The following SLC35F1 variants were observed in gnomAD, a reference collection of about 807,000 sequenced individuals.
SLC35F1 encodes the protein chromosome 6 open reading frame 169.
A neutral mutation model predicts 48.7 loss-of-function variants in SLC35F1; 14 were observed. The ratio of observed to expected loss-of-function variants is 0.29; its 90% CI spans 0.19 to 0.45. The LOEUF is 0.45. Among genes scored for constraint, SLC35F1 ranks in the 20% least tolerant of loss-of-function variants. The probability of loss-of-function intolerance (pLI) is 1.00; values close to 1 mark genes in which losing one functional copy is unlikely to be tolerated. For missense variants in SLC35F1, 404 were observed against 500.0 expected (o/e 0.81, Z 1.83); for synonymous variants, 190 against 202.2 (o/e 0.94, Z 0.51).
At chr6:118,132,626 G>A (rs1396240083) in intron 1 of SLC35F1, among the ~76,000 whole-genome samples, 1 of 152,208 alleles carries the variant, frequency 6.6e-6, no homozygotes, top group East Asian at 1.9e-4. Context: ...TATTGTCACT[G>A]TATAAGAGCT....
chr6:118,309,367 A>G (rs1776348583), intron 7 of SLC35F1, among the ~76,000 whole-genome samples: 1 of 152,152 alleles, frequency 6.6e-6, no homozygotes, highest in Admixed American at 6.5e-5. Flanking sequence ...TGTATTACAC[A>G]GAGACATATG....
At chr6:118,019,017 A>G (rs1777358224) in intron 1 of SLC35F1, among the ~76,000 whole-genome samples, 1 of 152,168 alleles carries the variant, frequency 6.6e-6, no homozygotes, top group Non-Finnish European at 1.5e-5. Flanking sequence ...GTCAGTTCAA[A>G]CAAGATCAGT....
chr6:118,013,308 T>G (rs1375407112), intron 1 of SLC35F1, among the ~76,000 whole-genome samples: 1 of 151,962 alleles, frequency 6.6e-6, no homozygotes, highest in East Asian at 1.9e-4. Context: ...TTGGGGAGGG[T>G]GTGGACTGGG....
intron 1 of SLC35F1, among the ~76,000 whole-genome samples, chr6:117,989,774 G>C (rs1198957177): frequency 2.0e-5 from 3 of 152,072 alleles, no homozygotes; most frequent in African/African-American, 7.2e-5. Context: ...AGCAATGACT[G>C]GTGAAAGAAT....
chr6:118,236,245 A>AAC (rs921773012), intron 3 of SLC35F1, among the ~76,000 whole-genome samples: 9 of 151,666 alleles, frequency 5.9e-5, no homozygotes, highest in South Asian at 2.1e-4. Flanking sequence ...TTCTCACATG[A>AAC]ACACACACAC....
chr6:117,921,728 AATT>A (rs1340843913), intron 1 of SLC35F1, among the ~76,000 whole-genome samples: 2 of 152,162 alleles, frequency 1.3e-5, no homozygotes, highest in African/African-American at 4.8e-5. Flanking sequence ...AAGAGACCCT[AATT>A]ATTACTTCCC....
chr6:118,166,358 A>C lies in SLC35F1; in HGVS notation c.349+11738A>C, dbSNP rs73766443. On this transcript the variant is annotated intron_variant, in intron 2 of 7. Coordinates refer to ENST00000360388, the MANE Select transcript of SLC35F1 (RefSeq NM_001029858.4). ...AGTGGGCTATGGACAAACTCAATGG[A>C]CTACTGGGGCCTTACCAGATTCAAA... Among the ~76,000 whole-genome samples the C allele has an allele frequency of 9.9e-3, 1,506 of 152,156 alleles. 31 individuals carry two copies. Among genetic ancestry groups the C allele is most frequent in the African/African-American group, 0.035 (1,446 of 41,502 alleles).
chr6:118,188,734 C>T (rs1774694392), intron 2 of SLC35F1, among the ~76,000 whole-genome samples: 1 of 152,262 alleles, frequency 6.6e-6, no homozygotes, highest in East Asian at 1.9e-4. Flanking sequence ...TTAACAGACA[C>T]TTACGTTGTT....
At chr6:117,978,998 T>C (rs1776740792) in intron 1 of SLC35F1, among the ~76,000 whole-genome samples, 1 of 152,190 alleles carries the variant, frequency 6.6e-6, no homozygotes, top group African/African-American at 2.4e-5. Flanking sequence ...GCCTGAACTC[T>C]CAATCTGGTC....
chr6:117,975,365 T>C (rs1776692339), intron 1 of SLC35F1, among the ~76,000 whole-genome samples: 1 of 152,206 alleles, frequency 6.6e-6, no homozygotes, highest in African/African-American at 2.4e-5. Context: ...CTTTCTCAAA[T>C]TTAGAGTCCG....
chr6:118,238,039 T>C (rs1467815824), intron 3 of SLC35F1, among the ~76,000 whole-genome samples: 1 of 152,174 alleles, frequency 6.6e-6, no homozygotes, highest in Non-Finnish European at 1.5e-5. Flanking sequence ...CCTCTTCCTT[T>C]CTCATCTTAG....
intron 7 of SLC35F1, among the ~76,000 whole-genome samples, chr6:118,309,703 T>A (rs1776351967): frequency 6.6e-6 from 1 of 152,222 alleles, no homozygotes. Flanking sequence ...ATTAGTTTGT[T>A]AAAATTCAAC....
At chr6:118,138,021 G>A (rs1469266850) in intron 1 of SLC35F1, among the ~76,000 whole-genome samples, 1 of 152,054 alleles carries the variant, frequency 6.6e-6, no homozygotes, top group East Asian at 1.9e-4. Flanking sequence ...TCCAACCTTA[G>A]GGGAGGGTCA....
At chr6:118,182,872 T>C (rs529823597) in intron 2 of SLC35F1, among the ~76,000 whole-genome samples, 1 of 152,294 alleles carries the variant, frequency 6.6e-6, no homozygotes, top group South Asian at 2.1e-4. Context: ...TCAAAGACTA[T>C]AATGTAAAAT....
chr6:118,131,254 A>C (rs1344403839), intron 1 of SLC35F1, among the ~76,000 whole-genome samples: 1 of 152,170 alleles, frequency 6.6e-6, no homozygotes, highest in East Asian at 1.9e-4. Flanking sequence ...AACAAAAAAA[A>C]TCTGTTAACA....
intron 1 of SLC35F1, among the ~76,000 whole-genome samples, chr6:118,147,693 A>T (rs1177191655): frequency 6.6e-6 from 1 of 152,154 alleles, no homozygotes; most frequent in Non-Finnish European, 1.5e-5. Context: ...AACATAAAAC[A>T]TACAGCATCC....
At position 117,975,493 on chromosome 6, in the gene SLC35F1, T is replaced by G. The variant is rs139759778; in HGVS notation, c.173+67594T>G. Among the ~76,000 whole-genome samples, 21 of 152,314 alleles carry G rather than the reference T, an allele frequency of 1.4e-4. No homozygotes were observed. In the East Asian group the frequency reaches 4.1e-3, roughly 29 times the overall value. ...CTAATGCCTTGAAAATTTTTTTTCA[T>G]TTTAGTATGATCTCCCTCCCACTTT... On this transcript the variant is annotated intron_variant, in intron 1 of 7. Coordinates refer to ENST00000360388, the MANE Select transcript of SLC35F1 (RefSeq NM_001029858.4).
At chr6:117,971,293 G>A (rs546772889) in intron 1 of SLC35F1, among the ~76,000 whole-genome samples, 2 of 152,366 alleles carry the variant, frequency 1.3e-5, no homozygotes, top group South Asian at 4.1e-4. Flanking sequence ...GCTGATGCAA[G>A]AGGTGGGTTC....
At chr6:118,301,980 T>A (rs1473010914) in intron 7 of SLC35F1, among the ~76,000 whole-genome samples, 2 of 152,136 alleles carry the variant, frequency 1.3e-5, no homozygotes, top group Non-Finnish European at 2.9e-5. Flanking sequence ...ATACACAAAA[T>A]GTTACAAATT....
Sources: gnomAD v4.1 joint callset for allele counts (sites outside exome capture counted in the v4.1 genomes callset) on GRCh38, gnomAD v4.1.1 for gene constraint, MANE v1.5 for transcripts, NCBI Gene and HGNC (gene_info 2026-07-23, HGNC 2026-07-21) for gene names.